Variants in GALNTL6 observed in about 807,000 individuals in gnomAD.
The protein encoded by GALNTL6 is polypeptide N-acetylgalactosaminyltransferase-like 6.
Under a neutral mutation model 73.7 loss-of-function variants are expected in GALNTL6, and 46 were observed. The ratio of observed to expected loss-of-function variants is 0.62; its 90% CI spans 0.49 to 0.80. The LOEUF (loss-of-function observed/expected upper bound fraction) is 0.80, where lower values mean the gene tolerates loss of function less well. Among genes scored for constraint, GALNTL6 ranks in the 30% least tolerant of loss-of-function variants. The probability of loss-of-function intolerance (pLI) is 0.00; values close to 1 mark genes in which losing one functional copy is unlikely to be tolerated. For missense variants in GALNTL6, 604 were observed against 755.0 expected (o/e 0.80, Z 2.34); for synonymous variants, 259 against 263.7 (o/e 0.98, Z 0.17).
intron 7 of GALNTL6, among the ~76,000 whole-genome samples, chr4:172,872,150 T>C (rs1014585054): frequency 3.3e-5 from 5 of 152,210 alleles, no homozygotes; most frequent in Non-Finnish European, 7.3e-5. Context: ...ATTTCTGCTA[T>C]AACAACACTG....
At chr4:172,546,806 A>ATGCGTATATATATG (rs1554034205) in intron 5 of GALNTL6, among the ~76,000 whole-genome samples, 3 of 99,120 alleles carry the variant, frequency 3.0e-5, no homozygotes, top group Non-Finnish European at 3.9e-5. Flanking sequence ...ACGTATATAT[A>ATGCGTATATATATG]CGTATATATA....
At chr4:172,086,203 T>C (rs1384891412) in intron 2 of GALNTL6, among the ~76,000 whole-genome samples, 1 of 152,132 alleles carries the variant, frequency 6.6e-6, no homozygotes, top group Non-Finnish European at 1.5e-5. Flanking sequence ...ACACATTAGC[T>C]GTAATTAAAC....
chr4:172,922,849 T>A (rs1273510041), intron 8 of GALNTL6, among the ~76,000 whole-genome samples: 1 of 152,208 alleles, frequency 6.6e-6, no homozygotes, highest in Non-Finnish European at 1.5e-5. Flanking sequence ...AAGCAAATCA[T>A]ACAGGTGCAC....
chr4:171,894,910 G>C (rs1423530993), intron 2 of GALNTL6, among the ~76,000 whole-genome samples: 2 of 151,962 alleles, frequency 1.3e-5, no homozygotes, highest in African/African-American at 4.8e-5. Context: ...TACAAGGCAT[G>C]GAATAAGATG....
At chr4:172,908,538 A>T (rs910566212) in intron 8 of GALNTL6, among the ~76,000 whole-genome samples, 8 of 151,984 alleles carry the variant, frequency 5.3e-5, no homozygotes, top group Admixed American at 1.3e-4. Context: ...AATGCAGTGA[A>T]ATCAACTAAA....
At chr4:172,314,710 C>T (rs1354341894) in intron 4 of GALNTL6, among the ~76,000 whole-genome samples, 3 of 143,870 alleles carry the variant, frequency 2.1e-5, no homozygotes, top group Admixed American at 1.4e-4. Context: ...TGGGTTCAAG[C>T]GATTCTCCTG....
intron 5 of GALNTL6, among the ~76,000 whole-genome samples, chr4:172,517,581 G>T (rs1228277928): frequency 6.6e-6 from 1 of 152,038 alleles, no homozygotes; most frequent in East Asian, 1.9e-4. Context: ...TTTACCACCA[G>T]CTCAACCTGG....
At chr4:172,911,706 T>G (rs935366340) in intron 8 of GALNTL6, among the ~76,000 whole-genome samples, 1 of 152,232 alleles carries the variant, frequency 6.6e-6, no homozygotes, top group South Asian at 2.1e-4. Flanking sequence ...GAGATTCATT[T>G]CAATTACCCA....
chr4:171,824,077 T>TATA (rs1734757504), intron 2 of GALNTL6, among the ~76,000 whole-genome samples: 1 of 129,218 alleles, frequency 7.7e-6, no homozygotes, highest in African/African-American at 3.1e-5. Flanking sequence ...CAAATCCATT[T>TATA]TATATATATA....
At chr4:172,243,510 A>C (rs836321) in intron 3 of GALNTL6, among the ~76,000 whole-genome samples, 8 of 151,882 alleles carry the variant, frequency 5.3e-5, no homozygotes, top group African/African-American at 1.5e-4. Context: ...GGCTTTTGGA[A>C]TAACGGCACT....
At chr4:172,535,177 CA>C (rs1735305099) in intron 5 of GALNTL6, among the ~76,000 whole-genome samples, 1 of 152,020 alleles carries the variant, frequency 6.6e-6, no homozygotes, top group Admixed American at 6.5e-5. Context: ...AGACCTGAAA[CA>C]ATAGTATTAA....
intron 2 of GALNTL6, among the ~76,000 whole-genome samples, chr4:172,126,587 T>C (rs1199210929): frequency 6.6e-6 from 1 of 152,056 alleles, no homozygotes; most frequent in Non-Finnish European, 1.5e-5. Flanking sequence ...GGTAAGTGAG[T>C]GACCCCAGTG....
chr4:172,477,558 A>G (rs1733283124), intron 5 of GALNTL6, among the ~76,000 whole-genome samples: 1 of 152,148 alleles, frequency 6.6e-6, no homozygotes, highest in African/African-American at 2.4e-5. Context: ...GAAGCAACAC[A>G]TGGTAAGATG....
At chr4:172,119,145 A>T (rs1733076779) in intron 2 of GALNTL6, among the ~76,000 whole-genome samples, 1 of 152,214 alleles carries the variant, frequency 6.6e-6, no homozygotes, top group Non-Finnish European at 1.5e-5. Context: ...TGCTAGAGAA[A>T]ATGTAATTTG....
At chr4:172,190,604 G>A (rs1735547745) in intron 2 of GALNTL6, among the ~76,000 whole-genome samples, 1 of 152,146 alleles carries the variant, frequency 6.6e-6, no homozygotes, top group South Asian at 2.1e-4. Context: ...GAAAAAATGG[G>A]AATAGCTAAG....
At chr4:172,349,897 T>G (rs1291101977) in intron 5 of GALNTL6, among the ~76,000 whole-genome samples, 2 of 151,578 alleles carry the variant, frequency 1.3e-5, no homozygotes, top group Non-Finnish European at 2.9e-5. Context: ...TAAAGAGGTT[T>G]TTGTCTCGTG....
At chr4:172,590,874 C>T (rs1737611049) in intron 5 of GALNTL6, among the ~76,000 whole-genome samples, 1 of 152,060 alleles carries the variant, frequency 6.6e-6, no homozygotes, top group African/African-American at 2.4e-5. Flanking sequence ...TCCAATAGTG[C>T]ATGATATGTG....
chr4:172,120,507 C>T (rs1733118680), intron 2 of GALNTL6, among the ~76,000 whole-genome samples: 1 of 152,078 alleles, frequency 6.6e-6, no homozygotes, highest in Admixed American at 6.6e-5. Context: ...AATTCAGAAT[C>T]ATCTCTTCAT....
chr4:173,015,274 C>T (rs1409374454), intron 11 of GALNTL6, among the ~76,000 whole-genome samples: 1 of 152,144 alleles, frequency 6.6e-6, no homozygotes, highest in Non-Finnish European at 1.5e-5. Context: ...GGGTAGGGTG[C>T]TGCTATAAGG....
Sources: gnomAD v4.1 joint callset for allele counts (sites outside exome capture counted in the v4.1 genomes callset) on GRCh38, gnomAD v4.1.1 for gene constraint, MANE v1.5 for transcripts, NCBI Gene and HGNC (gene_info 2026-07-23, HGNC 2026-07-21) for gene names.